The following USP12 variants were observed in gnomAD, a reference collection of about 807,000 sequenced individuals.
The protein encoded by USP12 is ubiquitin specific peptidase 12.
USP12 carries 19 observed loss-of-function variants against 45.5 expected under a neutral mutation model. The ratio of observed to expected loss-of-function variants is 0.42; its 90% CI spans 0.29 to 0.61. The LOEUF is 0.61. Among genes scored for constraint, USP12 ranks in the 20% least tolerant of loss-of-function variants. The probability of loss-of-function intolerance (pLI) is 0.22; values close to 1 mark genes in which losing one functional copy is unlikely to be tolerated. For synonymous variants in USP12, 149 were observed against 148.8 expected (o/e 1.00, Z -0.01); for missense variants, 242 against 447.7 (o/e 0.54, Z 4.15).
intron 2 of USP12, among the ~76,000 whole-genome samples, chr13:27,111,691 A>T (rs1359096464): frequency 6.6e-6 from 1 of 152,218 alleles, no homozygotes; most frequent in Non-Finnish European, 1.5e-5. Context: ...TAAATTATAC[A>T]TACTATGTAT....
intron 4 of USP12, among the ~76,000 whole-genome samples, chr13:27,094,672 G>A (rs1874484347): frequency 6.6e-6 from 1 of 151,688 alleles, no homozygotes; most frequent in Non-Finnish European, 1.5e-5. Context: ...CCTGCATCTA[G>A]TTAGGAAGAA....
intron 2 of USP12, among the ~76,000 whole-genome samples, chr13:27,112,162 C>A (rs1875479957): frequency 6.6e-6 from 1 of 152,106 alleles, no homozygotes; most frequent in African/African-American, 2.4e-5. Flanking sequence ...CTGTTGTTTA[C>A]CAGTTTCTTC....
chr13:27,144,465 C>T (rs1309801637), intron 1 of USP12, among the ~76,000 whole-genome samples: 1 of 141,478 alleles, frequency 7.1e-6, no homozygotes, highest in East Asian at 2.1e-4. Context: ...CATACCACTG[C>T]ACTCTAACCT....
intron 4 of USP12, among the ~76,000 whole-genome samples, chr13:27,091,808 C>G (rs951009864): frequency 3.3e-5 from 5 of 152,158 alleles, no homozygotes; most frequent in Non-Finnish European, 5.9e-5. Flanking sequence ...ATAGAGAACA[C>G]CAGAAAAGGG....
intron 1 of USP12, among the ~76,000 whole-genome samples, chr13:27,168,320 A>C (rs78065088): frequency 0.05 from 7,607 of 152,216 alleles, 217 homozygotes; most frequent in Admixed American, 0.079. Flanking sequence ...CAACCCAAAC[A>C]GGAAGAGACA....
chr13:27,110,644 C>T (rs541490809), intron 2 of USP12, among the ~76,000 whole-genome samples: 30 of 152,192 alleles, frequency 2.0e-4, no homozygotes, highest in African/African-American at 7.0e-4. Flanking sequence ...GTGATTAAAG[C>T]GTACTGATAT....
intron 6 of USP12, among the ~76,000 whole-genome samples, chr13:27,086,085 AT>A (rs1340977297): frequency 6.6e-6 from 1 of 150,550 alleles, no homozygotes; most frequent in Non-Finnish European, 1.5e-5. Flanking sequence ...TAGGAGGATC[AT>A]TTAAGCCCAG....
chr13:27,120,849 G>C (rs1342488102), intron 1 of USP12, among the ~76,000 whole-genome samples: 2 of 151,914 alleles, frequency 1.3e-5, no homozygotes, highest in Non-Finnish European at 2.9e-5. Flanking sequence ...CCAAAAGATG[G>C]GTGAAATTTA....
At chr13:27,120,279 G>A (rs370456583) in intron 1 of USP12, among the ~76,000 whole-genome samples, 17 of 152,220 alleles carry the variant, frequency 1.1e-4, no homozygotes, top group Middle Eastern at 3.4e-3. Flanking sequence ...TGAGAAGTAC[G>A]ACCCTATCAA....
intron 6 of USP12, among the ~76,000 whole-genome samples, chr13:27,075,908 T>C (rs1593170761): frequency 6.6e-6 from 1 of 151,642 alleles, no homozygotes; most frequent in East Asian, 1.9e-4. Flanking sequence ...CAGGCGCCCA[T>C]AGTCCCAGCT....
intron 1 of USP12, among the ~76,000 whole-genome samples, chr13:27,155,242 C>T (rs147121036): frequency 0.013 from 2,004 of 151,764 alleles, 98 homozygotes; most frequent in Admixed American, 0.082. Flanking sequence ...CCACCATGCC[C>T]GGCTAATTTT....
At chr13:27,109,649 G>C (rs1164869105) in intron 2 of USP12, among the ~76,000 whole-genome samples, 1 of 152,100 alleles carries the variant, frequency 6.6e-6, no homozygotes, top group African/African-American at 2.4e-5. Context: ...TGGGCGCAGT[G>C]GCTCAAGCCT....
chr13:27,096,342 G>A (rs1874581722), intron 3 of USP12, among the ~76,000 whole-genome samples: 1 of 152,212 alleles, frequency 6.6e-6, no homozygotes, highest in South Asian at 2.1e-4. Flanking sequence ...TAACTCTGAT[G>A]TAGAGTCAGG....
intron 6 of USP12, among the ~76,000 whole-genome samples, chr13:27,081,340 C>T (rs893695446): frequency 5.3e-5 from 8 of 152,170 alleles, no homozygotes; most frequent in Non-Finnish European, 1.0e-4. Flanking sequence ...GAGTAGATTC[C>T]ATCTCAACAA....
chr13:27,084,497 GAAAAAAAAA>G (rs397851869), intron 6 of USP12, among the ~76,000 whole-genome samples: 2 of 98,514 alleles, frequency 2.0e-5, no homozygotes, highest in African/African-American at 4.1e-5. Flanking sequence ...ACAGTGAGAT[GAAAAAAAAA>G]AAAAAAAAAA....
intron 1 of USP12, among the ~76,000 whole-genome samples, chr13:27,134,303 C>G (rs1030123730): frequency 1.3e-5 from 2 of 152,116 alleles, no homozygotes; most frequent in African/African-American, 4.8e-5. Flanking sequence ...AAAAGCAGTT[C>G]AATTTCTAAA....
At chr13:27,076,633 C>T (rs1873499784) in intron 6 of USP12, among the ~76,000 whole-genome samples, 1 of 152,094 alleles carries the variant, frequency 6.6e-6, no homozygotes, top group Non-Finnish European at 1.5e-5. Context: ...ACATGCCTGA[C>T]ATATGATAGA....
intron 2 of USP12, among the ~76,000 whole-genome samples, chr13:27,110,280 A>C (rs1029358773): frequency 6.6e-6 from 1 of 152,194 alleles, no homozygotes; most frequent in Non-Finnish European, 1.5e-5. Flanking sequence ...AAATTGTATA[A>C]TCATGTCATT....
chr13:27,089,137 T>C (rs550044415), intron 6 of USP12, among the ~76,000 whole-genome samples: 3 of 152,352 alleles, frequency 2.0e-5, no homozygotes, highest in South Asian at 4.1e-4. Flanking sequence ...GAATGCTAAA[T>C]GTAATGTGGG....
Sources: gnomAD v4.1 joint callset for allele counts (sites outside exome capture counted in the v4.1 genomes callset) on GRCh38, gnomAD v4.1.1 for gene constraint, MANE v1.5 for transcripts, NCBI Gene and HGNC (gene_info 2026-07-23, HGNC 2026-07-21) for gene names.